Variants in COL5A2 observed in about 807,000 individuals in gnomAD.
The protein encoded by COL5A2 is collagen type V alpha 2 chain, also known as collagen alpha-2(V) chain.
COL5A2 carries 23 observed loss-of-function variants against 208.2 expected under a neutral mutation model. That is an observed-to-expected ratio of 0.11 (90% CI 0.08 to 0.16). The LOEUF (loss-of-function observed/expected upper bound fraction) is 0.16, where lower values mean the gene tolerates loss of function less well. Ranked by LOEUF, COL5A2 falls within the 10% of genes least tolerant of loss-of-function variation. The pLI is 1.00. For synonymous variants in COL5A2, 625 were observed against 628.5 expected (o/e 0.99, Z 0.08); for missense variants, 1,590 against 1,956.4 (o/e 0.81, Z 3.53).
At chr2:189,045,123 G>T in intron 47 of COL5A2, 56 bp downstream of exon 47, 1 of 1,160,000 alleles carries the variant, frequency 8.6e-7, no homozygotes, top group Non-Finnish European at 1.2e-6. Flanking sequence ...ATACTTCTTT[G>T]GGAGTATATT....
At chr2:189,286,489 G>A in the COL5A2 span, among the ~76,000 whole-genome samples, 2 of 152,030 alleles carry the variant, frequency 1.3e-5, no homozygotes, top group Non-Finnish European at 2.9e-5. Context: ...GTGGGTTGAA[G>A]TATTGCTTTA....
the COL5A2 span, among the ~76,000 whole-genome samples, chr2:189,379,465 C>T: frequency 6.6e-6 from 1 of 152,178 alleles, no homozygotes; most frequent in South Asian, 2.1e-4. Context: ...GCTAAACTGA[C>T]AGGTCATAAA....
chr2:189,201,995 T>C (rs1378864853), intron 1 of COL5A2, among the ~76,000 whole-genome samples: 1 of 151,130 alleles, frequency 6.6e-6, no homozygotes, highest in African/African-American at 2.4e-5. Context: ...ATATATATTA[T>C]ATATGCACAT....
At chr2:189,200,252 T>C (rs1321198562) in intron 1 of COL5A2, among the ~76,000 whole-genome samples, 3 of 152,100 alleles carry the variant, frequency 2.0e-5, no homozygotes, top group Admixed American at 2.0e-4. Context: ...AGTTGGAGAA[T>C]AGGGAGGCAG....
the COL5A2 span, among the ~76,000 whole-genome samples, chr2:189,390,338 T>C: frequency 6.6e-6 from 1 of 152,156 alleles, no homozygotes; most frequent in African/African-American, 2.4e-5. Flanking sequence ...TGAACAGTGT[T>C]TGTAAATACA....
chr2:189,357,153 G>T, the COL5A2 span, among the ~76,000 whole-genome samples: 2 of 152,158 alleles, frequency 1.3e-5, no homozygotes, highest in Admixed American at 1.3e-4. Context: ...GAGCTCTCCT[G>T]TAGGAGATGT....
At chr2:189,345,951 T>C in the COL5A2 span, among the ~76,000 whole-genome samples, 1 of 152,210 alleles carries the variant, frequency 6.6e-6, no homozygotes, top group Admixed American at 6.5e-5. Flanking sequence ...GATGTATGAA[T>C]AAATATTAAT....
chr2:189,401,395 T>A, the COL5A2 span, among the ~76,000 whole-genome samples: 2 of 152,252 alleles, frequency 1.3e-5, no homozygotes, highest in Non-Finnish European at 2.9e-5. Flanking sequence ...TAACATGATC[T>A]CATTCCTTTT....
the COL5A2 span, among the ~76,000 whole-genome samples, chr2:189,415,551 T>C: frequency 6.6e-6 from 1 of 152,362 alleles, no homozygotes; most frequent in African/African-American, 2.4e-5. Context: ...GGATTTGTAA[T>C]TGTCAACTTC....
the COL5A2 span, among the ~76,000 whole-genome samples, chr2:189,404,466 TC>T: frequency 6.6e-6 from 1 of 152,100 alleles, no homozygotes; most frequent in Non-Finnish European, 1.5e-5. Flanking sequence ...ACTCCCAACT[TC>T]CTTATTCTCA....
chr2:189,056,495 G>T (rs1369871793), intron 35 of COL5A2, among the ~76,000 whole-genome samples: 1 of 152,082 alleles, frequency 6.6e-6, no homozygotes, highest in African/African-American at 2.4e-5. Flanking sequence ...TGGACATTCT[G>T]CTTGTTCAAA....
chr2:189,311,658 GCT>G, the COL5A2 span: 40 of 765,360 alleles, frequency 5.2e-5, no homozygotes, highest in Non-Finnish European at 7.8e-5. Context: ...GTATGTCTCA[GCT>G]CCATGAGCAT....
At chr2:189,257,840 C>T in the COL5A2 span, among the ~76,000 whole-genome samples, 8 of 152,186 alleles carry the variant, frequency 5.3e-5, no homozygotes, top group African/African-American at 1.9e-4. Context: ...CTAGGCCAGG[C>T]GCGGTGGTTC....
chr2:189,438,177 A>G, the COL5A2 span, among the ~76,000 whole-genome samples: 1 of 151,446 alleles, frequency 6.6e-6, no homozygotes. Context: ...CAAACTTATT[A>G]TGATGGCTAA....
the COL5A2 span, among the ~76,000 whole-genome samples, chr2:189,386,949 C>T: frequency 2.6e-5 from 4 of 152,102 alleles, no homozygotes; most frequent in African/African-American, 9.7e-5. Flanking sequence ...TTTGACTCAG[C>T]AATTCCATTA....
intron 44 of COL5A2, 111 bp from the exon 45 acceptor site, chr2:189,048,373 A>C: frequency 2.2e-6 from 2 of 927,236 alleles, no homozygotes; most frequent in Non-Finnish European, 3.5e-6. Context: ...ATAAACTGTC[A>C]GTTAGCATTT....
chr2:189,324,697 G>C, the COL5A2 span, among the ~76,000 whole-genome samples: 1 of 152,196 alleles, frequency 6.6e-6, no homozygotes, highest in Non-Finnish European at 1.5e-5. Context: ...GGAGAAATAG[G>C]AACACTTTTA....
intron 1 of COL5A2, among the ~76,000 whole-genome samples, chr2:189,158,827 A>C (rs1688304319): frequency 6.6e-6 from 1 of 152,068 alleles, no homozygotes. Context: ...CCAAAACTTT[A>C]ATGTCTTTTT....
the COL5A2 span, among the ~76,000 whole-genome samples, chr2:189,333,074 C>T: frequency 0.97 from 148,451 of 152,274 alleles, 72,481 homozygotes; most frequent in East Asian, 1. Context: ...CAGCAAAATT[C>T]ATAGTAATTA....
Sources: allele counts gnomAD v4.1 joint callset (sites outside exome capture counted in the v4.1 genomes callset), GRCh38; gene constraint gnomAD v4.1.1; transcripts MANE v1.5; gene names NCBI Gene and HGNC (gene_info 2026-07-23, HGNC 2026-07-21).